The following CNTNAP5 variants were observed in gnomAD, a reference collection of about 807,000 sequenced individuals.
CNTNAP5 encodes the protein contactin-associated protein-like 5.
CNTNAP5 carries 72 observed loss-of-function variants against 150.2 expected under a neutral mutation model. The observed-to-expected ratio is 0.48, with a 90% CI of 0.40 to 0.58. The LOEUF is 0.58. CNTNAP5 is among the 20% of genes least tolerant of loss of function. CNTNAP5 has a pLI of 0.00. For missense variants in CNTNAP5, 1,636 were observed against 1,626.2 expected (o/e 1.01, Z -0.10); for synonymous variants, 672 against 619.8 (o/e 1.08, Z -1.25).
At chr2:124,266,701 A>T (rs1434802650) in intron 3 of CNTNAP5, among the ~76,000 whole-genome samples, 1 of 152,126 alleles carries the variant, frequency 6.6e-6, no homozygotes, top group Non-Finnish European at 1.5e-5. Flanking sequence ...CTCGTGCACT[A>T]TGAACTTTAT....
intron 12 of CNTNAP5, among the ~76,000 whole-genome samples, chr2:124,645,686 T>G (rs1678188651): frequency 6.6e-6 from 1 of 152,234 alleles, no homozygotes; most frequent in African/African-American, 2.4e-5. Context: ...GTTTAATTTT[T>G]TGCTGTGTAT....
intron 1 of CNTNAP5, among the ~76,000 whole-genome samples, chr2:124,174,618 C>T (rs1198985358): frequency 6.6e-6 from 1 of 152,114 alleles, no homozygotes; most frequent in Non-Finnish European, 1.5e-5. Context: ...TGAGACGTTG[C>T]TACTTATGGA....
Position 124,607,252 on chromosome 2 carries a change from A to C in CNTNAP5, c.1757-2549A>C, listed in dbSNP as rs903257183. On this transcript the variant is annotated intron_variant, in intron 11 of 23. Coordinates refer to ENST00000682447, the MANE Select transcript of CNTNAP5 (RefSeq NM_001367498.1). ...CTTGGTCTCTCATGCAGCTGCAAAAAAGATGTCCACAGGGCTGCTTTCGTT... is the reference window on the plus strand; with the variant it reads ...CTTGGTCTCTCATGCAGCTGCAAAACAGATGTCCACAGGGCTGCTTTCGTT... Among the ~76,000 whole-genome samples the C allele has an allele frequency of 2.0e-5, 3 of 152,096 alleles. No homozygotes were observed. The South Asian group carries it at 6.2e-4, about 32-fold the overall frequency.
At chr2:124,873,605 A>C (rs1677794829) in intron 21 of CNTNAP5, among the ~76,000 whole-genome samples, 1 of 152,082 alleles carries the variant, frequency 6.6e-6, no homozygotes, top group Admixed American at 6.6e-5. Context: ...ATTATTTAGA[A>C]AGGACGCTAA....
intron 13 of CNTNAP5, among the ~76,000 whole-genome samples, chr2:124,707,625 A>C (rs1282431602): frequency 6.6e-6 from 1 of 152,106 alleles, no homozygotes; most frequent in Non-Finnish European, 1.5e-5. Flanking sequence ...AGAAATTGCT[A>C]GATTAGGAGG....
At chr2:124,423,568 G>T (rs984896898) in intron 4 of CNTNAP5, among the ~76,000 whole-genome samples, 1 of 147,062 alleles carries the variant, frequency 6.8e-6, no homozygotes, top group African/African-American at 2.5e-5. Context: ...CCGTGGTCTC[G>T]ATCTCCTGAC....
At chr2:124,112,720 A>C (rs972509348) in intron 1 of CNTNAP5, among the ~76,000 whole-genome samples, 1 of 151,580 alleles carries the variant, frequency 6.6e-6, no homozygotes, top group Non-Finnish European at 1.5e-5. Context: ...CCCTCCTCCC[A>C]AAAAAAACCC....
chr2:124,540,857 T>C (rs1042714555), intron 10 of CNTNAP5, among the ~76,000 whole-genome samples: 3 of 152,044 alleles, frequency 2.0e-5, no homozygotes, highest in African/African-American at 7.2e-5. Flanking sequence ...GAAATAAACA[T>C]ATATGCTCCC....
intron 3 of CNTNAP5, among the ~76,000 whole-genome samples, chr2:124,325,013 A>G (rs889758577): frequency 2.6e-5 from 4 of 152,214 alleles, no homozygotes; most frequent in African/African-American, 7.2e-5. Context: ...TCATTCAGGA[A>G]CAGGATGCTA....
At chr2:124,523,607 T>G (rs1291017910) in intron 8 of CNTNAP5, among the ~76,000 whole-genome samples, 1 of 152,188 alleles carries the variant, frequency 6.6e-6, no homozygotes, top group Non-Finnish European at 1.5e-5. Flanking sequence ...GCACCCACCT[T>G]TCTCCCAGTG....
At chr2:124,827,251 T>C (rs115457881) in intron 19 of CNTNAP5, among the ~76,000 whole-genome samples, 1,912 of 152,154 alleles carry the variant, frequency 0.013, 42 homozygotes, top group African/African-American at 0.043. Flanking sequence ...CTAGAAAACA[T>C]TGGCATTACC....
intron 1 of CNTNAP5, among the ~76,000 whole-genome samples, chr2:124,083,463 A>T (rs1682606710): frequency 6.6e-6 from 1 of 152,314 alleles, no homozygotes; most frequent in Middle Eastern, 3.4e-3. Context: ...TTTATTTGGT[A>T]AAGTCAAATC....
At chr2:124,891,141 T>C (rs76943985) in intron 21 of CNTNAP5, among the ~76,000 whole-genome samples, 4,038 of 152,236 alleles carry the variant, frequency 0.027, 98 homozygotes, top group Non-Finnish European at 0.043. Context: ...CAGCTACTTG[T>C]GACATTGACT....
intron 3 of CNTNAP5, among the ~76,000 whole-genome samples, chr2:124,314,365 T>C (rs372073420): frequency 6.6e-6 from 1 of 152,198 alleles, no homozygotes; most frequent in Non-Finnish European, 1.5e-5. Context: ...TTCTCCTTGA[T>C]TTGCAGCGAC....
chr2:124,687,194 A>G (rs1316081525), intron 13 of CNTNAP5, among the ~76,000 whole-genome samples: 1 of 151,984 alleles, frequency 6.6e-6, no homozygotes, highest in African/African-American at 2.4e-5. Context: ...CTCTCAAATC[A>G]TGGTATGTAA....
At chr2:124,562,106 G>C (rs969506909) in intron 10 of CNTNAP5, among the ~76,000 whole-genome samples, 2 of 152,130 alleles carry the variant, frequency 1.3e-5, no homozygotes, top group African/African-American at 4.8e-5. Context: ...ATGTAGTAAA[G>C]GGGATTTGAA....
intron 13 of CNTNAP5, among the ~76,000 whole-genome samples, chr2:124,677,299 C>T (rs1429789655): frequency 1.3e-5 from 2 of 152,124 alleles, no homozygotes; most frequent in East Asian, 3.9e-4. Flanking sequence ...AGGAATGAAG[C>T]CAGAGAACCC....
At chr2:124,786,398 AGAAGGAAGGAAGGAAGGAAG>A (rs773411166) in intron 17 of CNTNAP5, among the ~76,000 whole-genome samples, 25 of 45,210 alleles carry the variant, frequency 5.5e-4, no homozygotes, top group African/African-American at 1.7e-3. Flanking sequence ...AAAGAAAGAA[AGAAGGAAGGAAGGAAGGAAG>A]GAAGGAAGGA....
At chr2:124,310,039 G>T (rs535752246) in intron 3 of CNTNAP5, among the ~76,000 whole-genome samples, 1 of 151,036 alleles carries the variant, frequency 6.6e-6, no homozygotes, top group African/African-American at 2.4e-5. Context: ...TCATCTTCAC[G>T]AGGCCTGAAT....
Sources: gnomAD v4.1 joint callset for allele counts (sites outside exome capture counted in the v4.1 genomes callset) on GRCh38, gnomAD v4.1.1 for gene constraint, MANE v1.5 for transcripts, NCBI Gene and HGNC (gene_info 2026-07-23, HGNC 2026-07-21) for gene names.